ROBO1: variants seen among roughly 807,000 people sequenced by gnomAD.
The protein encoded by ROBO1 is roundabout homolog 1.
ROBO1 carries 149 observed loss-of-function variants against 195.9 expected under a neutral mutation model. The observed-to-expected ratio is 0.76, with a 90% CI of 0.67 to 0.87. The LOEUF (loss-of-function observed/expected upper bound fraction) is 0.87, where lower values mean the gene tolerates loss of function less well. Ranked by LOEUF, ROBO1 falls within the 40% of genes least tolerant of loss-of-function variation. The pLI is 0.00. For synonymous variants in ROBO1, 816 were observed against 733.2 expected (o/e 1.11, Z -1.82); for missense variants, 1,933 against 2,068.3 (o/e 0.93, Z 1.27).
chr3:79,721,613 T>C (rs1702706756), intron 1 of ROBO1, among the ~76,000 whole-genome samples: 1 of 152,178 alleles, frequency 6.6e-6, no homozygotes, highest in Non-Finnish European at 1.5e-5. Flanking sequence ...AAATATCAAA[T>C]GATAGTGTCA....
At chr3:78,714,066 A>G (rs2108048774) in intron 8 of ROBO1, among the ~76,000 whole-genome samples, 1 of 152,322 alleles carries the variant, frequency 6.6e-6, no homozygotes, top group Middle Eastern at 3.4e-3. Flanking sequence ...GCTGTCATTT[A>G]ATTAAAAGAT....
At chr3:78,768,811 C>A (rs13059961) in intron 4 of ROBO1, among the ~76,000 whole-genome samples, 2 of 106,114 alleles carry the variant, frequency 1.9e-5, no homozygotes, top group Non-Finnish European at 1.8e-5. Context: ...CCTCCCCCCT[C>A]CCCCCACCCC....
chr3:79,284,197 T>C (rs1300207952), intron 2 of ROBO1, among the ~76,000 whole-genome samples: 1 of 152,112 alleles, frequency 6.6e-6, no homozygotes, highest in Non-Finnish European at 1.5e-5. Flanking sequence ...CTTTTTTGAT[T>C]TGTAATTAAC....
chr3:78,693,269 G>A, intron 8 of ROBO1: 5 of 1,538,784 alleles, frequency 3.2e-6, no homozygotes, highest in Non-Finnish European at 4.4e-6. Flanking sequence ...ACATGGAAGG[G>A]TATGGATGGA....
chr3:78,805,043 A>G (rs528503376), intron 4 of ROBO1, among the ~76,000 whole-genome samples: 43 of 152,158 alleles, frequency 2.8e-4, no homozygotes, highest in East Asian at 1.2e-3. Flanking sequence ...CCCCTTTCCA[A>G]GTAACTATTG....
intron 2 of ROBO1, among the ~76,000 whole-genome samples, chr3:79,245,843 C>T (rs769913903): frequency 3.3e-5 from 5 of 152,016 alleles, no homozygotes; most frequent in Non-Finnish European, 5.9e-5. Context: ...AAAAATCTTA[C>T]ATTTTATTAC....
chr3:79,419,768 C>T (rs1274560237), intron 2 of ROBO1, among the ~76,000 whole-genome samples: 3 of 152,034 alleles, frequency 2.0e-5, no homozygotes, highest in Non-Finnish European at 2.9e-5. Context: ...GAAAGTATAT[C>T]TAGCCTTTGG....
intron 3 of ROBO1, among the ~76,000 whole-genome samples, chr3:79,072,894 G>C (rs888518083): frequency 2.0e-5 from 3 of 151,844 alleles, no homozygotes; most frequent in African/African-American, 7.3e-5. Flanking sequence ...TGCCTAATCT[G>C]CCTTGGGTAT....
chr3:79,067,999 C>T (rs2079030782), intron 3 of ROBO1, among the ~76,000 whole-genome samples: 1 of 151,838 alleles, frequency 6.6e-6, no homozygotes, highest in Non-Finnish European at 1.5e-5. Context: ...CCAGCTGCCC[C>T]AGAGTGAGTG....
chr3:78,948,893 A>G (rs1421371079), intron 3 of ROBO1, among the ~76,000 whole-genome samples: 4 of 152,182 alleles, frequency 2.6e-5, no homozygotes, highest in African/African-American at 9.7e-5. Flanking sequence ...CCAAATCATG[A>G]GTGAACTCCC....
chr3:79,334,858 C>G (rs1442215309), intron 2 of ROBO1, among the ~76,000 whole-genome samples: 1 of 151,808 alleles, frequency 6.6e-6, no homozygotes, highest in Non-Finnish European at 1.5e-5. Flanking sequence ...ATAATCCCAG[C>G]ACTTTAGGAA....
chr3:79,139,250 C>A (rs1356791138), intron 2 of ROBO1, among the ~76,000 whole-genome samples: 2 of 151,784 alleles, frequency 1.3e-5, no homozygotes, highest in African/African-American at 2.4e-5. Flanking sequence ...AGCCTGTGAC[C>A]CAGAAGAATA....
At chr3:79,728,341 T>C (rs995216176) in intron 1 of ROBO1, among the ~76,000 whole-genome samples, 3 of 152,154 alleles carry the variant, frequency 2.0e-5, no homozygotes, top group Admixed American at 2.0e-4. Context: ...GCAAATACAA[T>C]ATGCCAATGG....
chr3:79,055,347 A>G (rs1339864388), intron 3 of ROBO1, among the ~76,000 whole-genome samples: 1 of 152,132 alleles, frequency 6.6e-6, no homozygotes, highest in Non-Finnish European at 1.5e-5. Flanking sequence ...TTGGATTAAT[A>G]TAATTTCTAA....
At chr3:79,593,048 TAA>T (rs1944055902) in intron 1 of ROBO1, among the ~76,000 whole-genome samples, 1 of 152,036 alleles carries the variant, frequency 6.6e-6, no homozygotes, top group South Asian at 2.1e-4. Context: ...CATATAAATT[TAA>T]GTTTCCTCCA....
At chr3:79,379,056 C>T (rs1339524031) in intron 2 of ROBO1, among the ~76,000 whole-genome samples, 1 of 152,174 alleles carries the variant, frequency 6.6e-6, no homozygotes, top group East Asian at 1.9e-4. Flanking sequence ...ATAGATTCTC[C>T]ATAAATCATT....
chr3:78,938,915 C>G lies in ROBO1; in HGVS notation c.185G>C (p.Arg62Pro). Residue 62 changes from arginine (R) to proline (P), a missense_variant, in exon 4 of 31, where the codon CGT becomes CCT. Physicochemically the swap from Arg to Pro is moderately radical, Grantham distance 103 (BLOSUM62 -2). Coordinates refer to ENST00000464233, the MANE Select transcript of ROBO1 (RefSeq NM_002941.4). ...AATGCGAGGTGGAAAATCTTCCTGA[C>G]GAAGACGGGAGCCTGCAGAAGAATT... ...NSLGYTGSRL[R>P]QEDFPPRIVE... 2 of 1,607,608 alleles carry G rather than the reference C, an allele frequency of 1.2e-6. No individual in the cohort carries two copies. The highest frequency in any genetic ancestry group is 1.7e-6 in the Non-Finnish European group (2 of 1,176,230).
chr3:79,758,736 G>A (rs191313582), intron 1 of ROBO1, among the ~76,000 whole-genome samples: 1 of 152,138 alleles, frequency 6.6e-6, no homozygotes, highest in Non-Finnish European at 1.5e-5. Flanking sequence ...GTATTGTAAG[G>A]CAGACTATAC....
At chr3:79,275,745 C>CA (rs1294218264) in intron 2 of ROBO1, among the ~76,000 whole-genome samples, 1 of 151,632 alleles carries the variant, frequency 6.6e-6, no homozygotes, top group Non-Finnish European at 1.5e-5. Context: ...AAGACTTCAC[C>CA]AAAAAACTAT....
Sources: gnomAD v4.1 joint callset for allele counts (sites outside exome capture counted in the v4.1 genomes callset) on GRCh38, gnomAD v4.1.1 for gene constraint, MANE v1.5 for transcripts, NCBI Gene and HGNC (gene_info 2026-07-23, HGNC 2026-07-21) for gene names.